NR4A1: variants seen among roughly 807,000 people sequenced by gnomAD.
NR4A1 encodes nuclear receptor subfamily 4 group A member 1, also known as nuclear receptor subfamily 4immunitygroup A member 1.
NR4A1 carries 24 observed loss-of-function variants against 47.5 expected under a neutral mutation model. The observed-to-expected ratio is 0.50, with a 90% CI of 0.37 to 0.71. The LOEUF (loss-of-function observed/expected upper bound fraction) is 0.71, where lower values mean the gene tolerates loss of function less well. Among genes scored for constraint, NR4A1 ranks in the 30% least tolerant of loss-of-function variants. The pLI, the probability that NR4A1 is intolerant of heterozygous loss-of-function variation, is 0.00. For missense variants in NR4A1, 669 were observed against 788.6 expected (o/e 0.85, Z 1.82); for synonymous variants, 353 against 345.7 (o/e 1.02, Z -0.24).
chr12:52,035,646 T>C (rs1938219134), intron 1 of NR4A1, among the ~76,000 whole-genome samples: 1 of 152,272 alleles, frequency 6.6e-6, no homozygotes, highest in East Asian at 1.9e-4. Flanking sequence ...TATCTGCAAA[T>C]TGACCTAATA....
At chr12:52,041,867 G>T (rs1938452158) in exon 2 of NR4A1, 1 of 1,529,588 alleles carries the variant, frequency 6.5e-7, no homozygotes, top group Non-Finnish European at 8.8e-7. Flanking sequence ...GGCTCCTTCT[G>T]CTGGGCCCTG....
intron 1 of NR4A1, among the ~76,000 whole-genome samples, chr12:52,030,607 T>G (rs1432730432): frequency 6.6e-6 from 1 of 152,092 alleles, no homozygotes; most frequent in African/African-American, 2.4e-5. Context: ...TTTTGTATTT[T>G]TAGTAGAGAC....
chr12:52,023,934 CT>C (rs1937946704), intron 1 of NR4A1, among the ~76,000 whole-genome samples: 1 of 152,268 alleles, frequency 6.6e-6, no homozygotes, highest in South Asian at 2.1e-4. Flanking sequence ...CTGGACCCCC[CT>C]GGACCTCTCT....
intron 1 of NR4A1, among the ~76,000 whole-genome samples, chr12:52,027,232 T>G (rs1287702426): frequency 6.6e-6 from 1 of 152,216 alleles, no homozygotes; most frequent in Non-Finnish European, 1.5e-5. Flanking sequence ...TAGCTGAGGC[T>G]GTACCGGCTG....
At chr12:52,026,856 C>A (rs555011782) in intron 1 of NR4A1, among the ~76,000 whole-genome samples, 2 of 152,082 alleles carry the variant, frequency 1.3e-5, no homozygotes, top group African/African-American at 2.4e-5. Flanking sequence ...CAGGTTCTCT[C>A]GGAGGGCAGC....
At chr12:52,044,605 G>A (rs967484898) in intron 2 of NR4A1, among the ~76,000 whole-genome samples, 2 of 152,212 alleles carry the variant, frequency 1.3e-5, no homozygotes, top group African/African-American at 4.8e-5. Context: ...CAGAGCCTGT[G>A]ACTAAAAATA....
chr12:52,025,067 T>TC (rs1472695853), intron 1 of NR4A1, among the ~76,000 whole-genome samples: 4 of 150,770 alleles, frequency 2.7e-5, no homozygotes, highest in Non-Finnish European at 5.9e-5. Flanking sequence ...CTGCTGCTTT[T>TC]TTTTTTTTTT....
chr12:52,038,110 G>C (rs1938309613), intron 1 of NR4A1: 5 of 967,090 alleles, frequency 5.2e-6, no homozygotes, highest in Non-Finnish European at 6.1e-6. Flanking sequence ...TGTTGCCCAG[G>C]CTGGAGTGCA....
chr12:52,054,981 T>C lies in NR4A1; in HGVS notation c.653T>C (p.Leu218Pro), dbSNP rs781220383. 1.2e-6 allele frequency: 2 copies of C among 1,613,996 alleles called. No individual in the cohort carries two copies. Among genetic ancestry groups the C allele is most frequent in the African/African-American group, 2.7e-5 (2 of 74,912 alleles). The change falls in exon 2 of 7, where the codon CTG becomes CCG. Residue 218 changes from leucine (L) to proline (P), a missense_variant. Leu to Pro is a moderately conservative substitution (Grantham distance 98). Transcript: ENST00000394825. ...TTCCCCTCACAGGCCACCCACCAGC[T>C]GGGGGAGGGAGAGAGCTATTCCATG... ...KLFPSQATHQ[L>P]GEGESYSMPT... is the part of the protein sequence containing the mutation.
intron 2 of NR4A1, 30 bp downstream of exon 2, chr12:52,055,234 G>T: frequency 6.2e-7 from 1 of 1,606,462 alleles, no homozygotes. Context: ...GGGGCCTTTT[G>T]TTGGAAATGG....
At chr12:52,051,873 G>T (rs1271982116) in intron 1 of NR4A1, among the ~76,000 whole-genome samples, 2 of 152,030 alleles carry the variant, frequency 1.3e-5, no homozygotes, top group African/African-American at 4.8e-5. Context: ...CCAACTGGGC[G>T]CACGGTGCTC....
In NR4A1 at chr12:52,055,125, G is replaced by A. The variant is rs775497951; in HGVS notation, c.797G>A (p.Arg266His). Residue 266 changes from arginine (R) to histidine (H), a missense_variant, in exon 2 of 7, where the codon CGC becomes CAC. Arg to His is a conservative substitution (Grantham distance 29, BLOSUM62 0). Coordinates refer to ENST00000394825, the MANE Select transcript of NR4A1 (RefSeq NM_173157.3). ...GGGGCCCCAGGTGGAAGTGAAGGCC[G>A]CTGTGCTGTGTGTGGGGACAACGCT... ...RSGAPGGSEG[R>H]CAVCGDNASC... The A allele has an allele frequency of 1.9e-5, 31 of 1,614,036 alleles. No homozygotes were observed. The highest frequency in any genetic ancestry group is 3.3e-4 in the Middle Eastern group (2 of 6,078).
At chr12:52,029,206 A>G (rs951701202) in intron 1 of NR4A1, among the ~76,000 whole-genome samples, 5 of 152,222 alleles carry the variant, frequency 3.3e-5, no homozygotes, top group East Asian at 1.9e-4. Context: ...ATACATGCAC[A>G]CACACTCCAC....
Position 52,058,931 on chromosome 12 carries a change from C to T in NR4A1, c.1784C>T (p.Thr595Met), listed in dbSNP as rs1304038471. 5.6e-6 allele frequency: 9 copies of T among 1,611,732 alleles called. No individual in the cohort carries two copies. The highest frequency in any genetic ancestry group is 1.7e-5 in the Admixed American group (1 of 59,934). The change falls in exon 7 of 7, where the codon ACG (threonine) becomes ATG (methionine). Residue 595 changes from threonine to methionine, a missense_variant. Coordinates refer to ENST00000394825, the MANE Select transcript of NR4A1 (RefSeq NM_173157.3). ...ATCATTGACAAGATCTTCATGGACA[C>T]GCTGCCCTTCTGACCCCTGCCTGGG... is the stretch of plus-strand genomic sequence containing the variant. ...PPIIDKIFMD[T>M]LPF
intron 1 of NR4A1, among the ~76,000 whole-genome samples, chr12:52,030,168 T>A (rs894696655): frequency 1.3e-5 from 2 of 152,182 alleles, no homozygotes; most frequent in African/African-American, 4.8e-5. Flanking sequence ...GCCCTCCCTG[T>A]CCCTCTCCCC....
Position 52,059,186 on chromosome 12 carries a change from T to C in NR4A1, c.*242T>C. On this transcript the variant is annotated 3_prime_UTR_variant, in exon 7 of 7. Transcript: ENST00000394825. Reference sequence around the variant, plus strand: ...CTGGCCCCGGCCTTTATGTTTTTTGTAAGATAAACCGTTTTTAACACATAG... The same window carrying C: ...CTGGCCCCGGCCTTTATGTTTTTTGCAAGATAAACCGTTTTTAACACATAG... The C allele has an allele frequency of 1.8e-6, 1 of 554,778 alleles. No homozygotes were observed. The highest frequency in any genetic ancestry group is 3.1e-5 in the East Asian group (1 of 32,278). The allele number at this position is 554,778 out of a possible 1,614,324, so 34.4% of individuals were successfully genotyped here. A position where few individuals can be genotyped will look rare whatever the true frequency, so the allele number is the denominator to read the frequency against.
chr12:52,025,063 C>CTTTT (rs532559170), intron 1 of NR4A1, among the ~76,000 whole-genome samples: 1 of 132,188 alleles, frequency 7.6e-6, no homozygotes, highest in Non-Finnish European at 1.6e-5. Flanking sequence ...CTCACTGCTG[C>CTTTT]TTTTTTTTTT....
intron 1 of NR4A1, among the ~76,000 whole-genome samples, chr12:52,033,378 T>C (rs1274870941): frequency 6.6e-6 from 1 of 152,250 alleles, no homozygotes; most frequent in East Asian, 1.9e-4. Flanking sequence ...GCCTCTCACT[T>C]CGTAAATCAC....
intron 6 of NR4A1, 38 bp downstream of exon 6, chr12:52,057,568 G>GCGT (rs778824154): frequency 6.2e-7 from 1 of 1,608,500 alleles, no homozygotes. Context: ...AAGGGAATGG[G>GCGT]CGTCAGGGGG....
Sources: gnomAD v4.1 joint callset for allele counts (sites outside exome capture counted in the v4.1 genomes callset) on GRCh38, gnomAD v4.1.1 for gene constraint, MANE v1.5 for transcripts, NCBI Gene and HGNC (gene_info 2026-07-23, HGNC 2026-07-21) for gene names.